FMO3: variants seen among roughly 807,000 people sequenced by gnomAD.
FMO3 encodes flavin-containing monooxygenase 3.
A neutral mutation model predicts 39.4 loss-of-function variants in FMO3; 40 were observed. The observed-to-expected ratio is 1.02, with a 90% CI of 0.79 to 1.32. The LOEUF (loss-of-function observed/expected upper bound fraction) is 1.32, where lower values mean the gene tolerates loss of function less well. FMO3 is among the 40% of genes most tolerant of loss of function. The pLI is 0.00. For missense variants in FMO3, 680 were observed against 651.8 expected (o/e 1.04, Z -0.47); for synonymous variants, 219 against 228.8 (o/e 0.96, Z 0.39).
At chr1:171,098,606 T>A (rs1158375536) in intron 2 of FMO3, among the ~76,000 whole-genome samples, 4 of 152,148 alleles carry the variant, frequency 2.6e-5, no homozygotes, top group African/African-American at 9.7e-5. Context: ...GTTATTGGGG[T>A]ATAAGAATGC....
rs531186119 is a variant in FMO3 at position 171,107,495 on chromosome 1, C to A, written c.322-180C>A. Among the ~76,000 whole-genome samples, 8 of 152,308 alleles carry A rather than the reference C, an allele frequency of 5.3e-5. No individual in the cohort carries two copies. In the East Asian group the frequency reaches 1.5e-3, roughly 29 times the overall value. On this transcript the variant is annotated intron_variant, in intron 3 of 8. Coordinates refer to ENST00000367755, the MANE Select transcript of FMO3 (RefSeq NM_001002294.3). ...TACTGGTTATGCACAAGAAATCATG[C>A]AGGGACAAATAGACAGATACCATTT...
intron 3 of FMO3, among the ~76,000 whole-genome samples, chr1:171,104,413 AGAAAAT>A (rs1655547590): frequency 6.6e-6 from 1 of 152,100 alleles, no homozygotes; most frequent in Non-Finnish European, 1.5e-5. Flanking sequence ...TGTTTATATT[AGAAAAT>A]GAAAAAGTTT....
At chr1:171,115,196 G>A (rs1160700810) in intron 7 of FMO3, among the ~76,000 whole-genome samples, 1 of 152,132 alleles carries the variant, frequency 6.6e-6, no homozygotes, top group Non-Finnish European at 1.5e-5. Flanking sequence ...GAGGACAAGA[G>A]TTGTAACTTG....
intron 5 of FMO3, among the ~76,000 whole-genome samples, chr1:171,109,001 A>G (rs530039468): frequency 1.3e-5 from 2 of 152,186 alleles, no homozygotes; most frequent in Non-Finnish European, 2.9e-5. Flanking sequence ...TGAGCATTGT[A>G]TATTTTACTA....
At position 171,107,836 on chromosome 1, in the gene FMO3, A is replaced by T; in HGVS notation, c.483A>T (p.Pro161=). Reference sequence around the variant, plus strand: ...CCAACCTACCAAAAGAGTCCTTTCCAGGTAAGGCCAAAATTTAAGCTGCTA... The same window carrying T: ...CCAACCTACCAAAAGAGTCCTTTCCTGGTAAGGCCAAAATTTAAGCTGCTA... ...VYPNLPKESF[P]GLNHFKGKCF... The change falls in exon 4 of 9, where the codon CCA becomes CCT. Residue 161 remains proline (P), a splice_region_variant and synonymous_variant. Coordinates refer to ENST00000367755, the MANE Select transcript of FMO3 (RefSeq NM_001002294.3). The T allele has an allele frequency of 6.2e-7, 1 of 1,613,772 alleles. No individual in the cohort carries two copies.
chr1:171,092,710 A>C lies in FMO3; in HGVS notation c.52A>C (p.Ile18Leu), dbSNP rs762148326. ...AGCTGGTGTGAGTGGCTTGGCCTCC[A>C]TCAGGAGCTGTCTGGAAGAGGGGCT... is the stretch of plus-strand genomic sequence containing the variant. ...IGAGVSGLAS[I>L]RSCLEEGLEP... The change falls in exon 2 of 9, where the codon ATC becomes CTC. Residue 18 changes from isoleucine to leucine, a missense_variant. By Grantham distance (5) the Ile-to-Leu change is conservative. Transcript: ENST00000367755. 1.9e-6 allele frequency: 3 copies of C among 1,614,162 alleles called. No individual in the cohort carries two copies. Among genetic ancestry groups the C allele is most frequent in the Non-Finnish European group, 2.5e-6 (3 of 1,180,016 alleles).
intron 6 of FMO3, among the ~76,000 whole-genome samples, chr1:171,112,201 G>A (rs1363830003): frequency 6.6e-6 from 1 of 152,232 alleles, no homozygotes; most frequent in Non-Finnish European, 1.5e-5. Context: ...CATAAAAATT[G>A]TTGGATGGCG....
chr1:171,105,350 C>T (rs1319929849), intron 3 of FMO3, among the ~76,000 whole-genome samples: 1 of 152,132 alleles, frequency 6.6e-6, no homozygotes, highest in African/African-American at 2.4e-5. Context: ...ACAGGCCAAT[C>T]TCCTTCATGA....
chr1:171,095,625 A>T (rs1212320219), intron 2 of FMO3, among the ~76,000 whole-genome samples: 6 of 150,516 alleles, frequency 4.0e-5, no homozygotes, highest in African/African-American at 4.9e-5. Flanking sequence ...CTGTTTAAAT[A>T]TTATAAAGAC....
intron 2 of FMO3, among the ~76,000 whole-genome samples, chr1:171,099,607 C>T (rs1452043297): frequency 6.6e-6 from 1 of 151,004 alleles, no homozygotes; most frequent in Non-Finnish European, 1.5e-5. Context: ...GAATTTGAAG[C>T]TTTAAAAGAA....
At chr1:171,097,119 C>T (rs918970240) in intron 2 of FMO3, among the ~76,000 whole-genome samples, 1 of 149,528 alleles carries the variant, frequency 6.7e-6, no homozygotes, top group Non-Finnish European at 1.5e-5. Flanking sequence ...AGGACATGAA[C>T]TCATCATTTT....
At position 171,110,973 on chromosome 1, in the gene FMO3, A is replaced by G. The variant is rs753843401; in HGVS notation, c.803A>G (p.Asn268Ser). ...KQMNARFKHE[N>S]YGLMPLNGVL... ...ATGAATGCAAGATTCAAGCATGAAA[A>G]CTATGGCTTGATGCCTTTAAATGGG... Residue 268 changes from asparagine to serine, a missense_variant, in exon 6 of 9, where the codon AAC becomes AGC. Asn to Ser is a conservative substitution (Grantham distance 46). Transcript: ENST00000367755. 4 of 1,613,626 alleles carry G rather than the reference A, an allele frequency of 2.5e-6. No homozygotes were observed. Among genetic ancestry groups the G allele is most frequent in the Admixed American group, 1.7e-5 (1 of 59,968 alleles).
intron 2 of FMO3, among the ~76,000 whole-genome samples, chr1:171,099,203 C>T (rs1289797765): frequency 6.6e-6 from 1 of 152,092 alleles, no homozygotes; most frequent in Non-Finnish European, 1.5e-5. Context: ...CGTAGTTGAG[C>T]GGTTTTGAAT....
At chr1:171,096,088 T>TTATATAA (rs1655014564) in intron 2 of FMO3, among the ~76,000 whole-genome samples, 1 of 80,582 alleles carries the variant, frequency 1.2e-5, no homozygotes, top group Non-Finnish European at 2.1e-5. Context: ...ATAATATATA[T>TTATATAA]TAATATTTTT....
rs771817026 is a variant in FMO3, at chr1:171,117,382, T to C, written c.1539T>C (p.His513=). 1.4e-5 allele frequency: 23 copies of C among 1,612,572 alleles called. No individual in the cohort carries two copies. Among genetic ancestry groups the C allele is most frequent in the Non-Finnish European group, 1.8e-5 (21 of 1,179,520 alleles). ...TTCAGAAGCCTTGCTTCTTTTTCCA[T>C]TGGCTGAAGCTCTTTGCAATTCCTA... The part of the protein sequence containing the change: ...GRLQKPCFFF[H]WLKLFAIPIL... The change falls in exon 9 of 9, where the codon CAT becomes CAC. Residue 513 remains histidine, a synonymous_variant. Transcript: ENST00000367755.
chr1:171,111,901 G>A (rs1394334437), intron 6 of FMO3, among the ~76,000 whole-genome samples: 2 of 152,176 alleles, frequency 1.3e-5, no homozygotes, highest in African/African-American at 2.4e-5. Context: ...AGATCATATG[G>A]CGATGTGTGC....
chr1:171,097,340 GT>G (rs1366647665), intron 2 of FMO3, among the ~76,000 whole-genome samples: 1 of 103,000 alleles, frequency 9.7e-6, no homozygotes, highest in African/African-American at 4.9e-5. Flanking sequence ...GGTATTTCTA[GT>G]TCTAGATCCC....
chr1:171,110,453 C>A (rs1201112711), intron 5 of FMO3, among the ~76,000 whole-genome samples: 1 of 152,136 alleles, frequency 6.6e-6, no homozygotes, highest in Non-Finnish European at 1.5e-5. Context: ...GGAACACTCT[C>A]AGGATCAATA....
intron 7 of FMO3, among the ~76,000 whole-genome samples, chr1:171,115,942 T>C (rs1656126253): frequency 6.6e-6 from 1 of 152,238 alleles, no homozygotes; most frequent in African/African-American, 2.4e-5. Flanking sequence ...AAAGACAACA[T>C]TCTTAAAATA....
Sources: allele counts gnomAD v4.1 joint callset (sites outside exome capture counted in the v4.1 genomes callset), GRCh38; gene constraint gnomAD v4.1.1; transcripts MANE v1.5; gene names NCBI Gene and HGNC (gene_info 2026-07-23, HGNC 2026-07-21).